The following TENM2 variants were observed in gnomAD, a reference collection of about 807,000 sequenced individuals.
TENM2 encodes teneurin-2.
Under a neutral mutation model 245.2 loss-of-function variants are expected in TENM2, and 52 were observed. That is an observed-to-expected ratio of 0.21 (90% CI 0.17 to 0.27). TENM2 has a LOEUF of 0.27. TENM2 is among the 10% of genes least tolerant of loss of function. The probability of loss-of-function intolerance (pLI) is 1.00; values close to 1 mark genes in which losing one functional copy is unlikely to be tolerated. For missense variants in TENM2, 3,046 were observed against 3,666.8 expected, an observed-to-expected ratio of 0.83 and a Z score of 4.37; for synonymous variants, 1,363 against 1,438.9, an observed-to-expected ratio of 0.95 and a Z score of 1.19.
Position 167,851,164 on chromosome 5 carries a change from G to T in TENM2, c.503-24822G>T, listed in dbSNP as rs532319991. Among the ~76,000 whole-genome samples, 5 of 152,118 alleles carry T rather than the reference G, an allele frequency of 3.3e-5. No homozygotes were observed. The South Asian group carries it at 1.0e-3, about 32-fold the overall frequency. Reference sequence around the variant, plus strand: ...ATTGGAGTAAGTGGAAGCTTAACTGGGGGGTTGTTGATGTGTGTTATCATC... The same window carrying T: ...ATTGGAGTAAGTGGAAGCTTAACTGTGGGGTTGTTGATGTGTGTTATCATC... On this transcript the variant is annotated intron_variant, in intron 2 of 28. Coordinates refer to ENST00000518659, the Ensembl canonical transcript of TENM2.
chr5:168,062,386 T>A, intron 7 of TENM2, 121 bp downstream of exon 9: 1 of 816,538 alleles, frequency 1.2e-6, no homozygotes, highest in South Asian at 1.8e-5. Context: ...ACAATAAAAA[T>A]GTTGGCGAGA....
intron 1 of TENM2, among the ~76,000 whole-genome samples, chr5:167,305,428 C>T (rs1326956155): frequency 6.6e-6 from 1 of 152,192 alleles, no homozygotes; most frequent in Non-Finnish European, 1.5e-5. Flanking sequence ...GTAATAATAA[C>T]ACATGCTATA....
the TENM2 span, among the ~76,000 whole-genome samples, chr5:167,162,927 G>A: frequency 0.017 from 2,550 of 152,290 alleles, 59 homozygotes; most frequent in African/African-American, 0.057. Flanking sequence ...CTGACTCAGT[G>A]TGCCTCTCAA....
chr5:167,153,295 T>C, the TENM2 span, among the ~76,000 whole-genome samples: 1 of 152,132 alleles, frequency 6.6e-6, no homozygotes, highest in African/African-American at 2.4e-5. Context: ...TTTCATGTTA[T>C]ATATATTATA....
At chr5:167,435,250 T>C (rs1239154250) in intron 2 of TENM2, among the ~76,000 whole-genome samples, 1 of 152,216 alleles carries the variant, frequency 6.6e-6, no homozygotes, top group Non-Finnish European at 1.5e-5. Context: ...CCCACCCAAG[T>C]CTCATCTTGA....
intron 2 of TENM2, among the ~76,000 whole-genome samples, chr5:167,381,782 G>A (rs1393533852): frequency 6.6e-6 from 1 of 152,086 alleles, no homozygotes; most frequent in Non-Finnish European, 1.5e-5. Flanking sequence ...TAGAAAGCTA[G>A]AACTCAGCAA....
intron 2 of TENM2, among the ~76,000 whole-genome samples, chr5:167,542,637 T>C (rs528614838): frequency 7.2e-5 from 11 of 152,322 alleles, no homozygotes; most frequent in Non-Finnish European, 1.3e-4. Flanking sequence ...TTGTCATTAC[T>C]GGTTCCTTCA....
intron 2 of TENM2, among the ~76,000 whole-genome samples, chr5:167,544,084 A>G (rs994397105): frequency 6.6e-6 from 1 of 152,184 alleles, no homozygotes; most frequent in Admixed American, 6.5e-5. Flanking sequence ...TTTGAGTCAT[A>G]TGGCTGACTG....
intron 2 of TENM2, among the ~76,000 whole-genome samples, chr5:167,771,831 T>C (rs1763423818): frequency 6.6e-6 from 1 of 152,216 alleles, no homozygotes; most frequent in Non-Finnish European, 1.5e-5. Context: ...CAAAAACTCA[T>C]CTTAAAGCTG....
chr5:168,193,549 A>T (rs1158880768), intron 14 of TENM2, among the ~76,000 whole-genome samples: 4 of 152,236 alleles, frequency 2.6e-5, no homozygotes, highest in Non-Finnish European at 5.9e-5. Context: ...AAGAATTTGA[A>T]AAATAGAGGA....
chr5:167,576,891 A>G (rs1007576398), intron 2 of TENM2, among the ~76,000 whole-genome samples: 19 of 152,356 alleles, frequency 1.2e-4, no homozygotes, highest in African/African-American at 4.6e-4. Context: ...AAGTTCTTTC[A>G]TTATATGATT....
intron 2 of TENM2, among the ~76,000 whole-genome samples, chr5:167,557,150 A>C (rs1321827721): frequency 6.6e-6 from 1 of 152,270 alleles, no homozygotes; most frequent in Non-Finnish European, 1.5e-5. Flanking sequence ...TTAATTATGG[A>C]TGATCCATAT....
chr5:168,041,977 G>A (rs967183274), intron 5 of TENM2, among the ~76,000 whole-genome samples: 1 of 152,176 alleles, frequency 6.6e-6, no homozygotes, highest in African/African-American at 2.4e-5. Context: ...TGTTAGCCCT[G>A]ATTATTCCAC....
At chr5:167,706,881 G>A in intron 2 of TENM2, among the ~76,000 whole-genome samples, 1 of 151,930 alleles carries the variant, frequency 6.6e-6, no homozygotes, top group Non-Finnish European at 1.5e-5. Context: ...CGGGCATGGT[G>A]GCAGGCGCCT....
intron 2 of TENM2, among the ~76,000 whole-genome samples, chr5:167,559,337 C>A (rs965724760): frequency 6.6e-5 from 10 of 152,122 alleles, no homozygotes; most frequent in Non-Finnish European, 1.5e-4. Context: ...AAAATTCATC[C>A]CCTTCATTCT....
At position 167,847,605 on chromosome 5, in the gene TENM2, C is replaced by A. The variant is rs188363069; in HGVS notation, c.503-28381C>A. 1.1e-4 allele frequency among the ~76,000 whole-genome samples: 16 copies of A among 152,316 alleles called. No homozygotes were observed. In the South Asian group the frequency reaches 1.2e-3, roughly 12 times the overall value. On this transcript the variant is annotated intron_variant, in intron 2 of 28. Transcript: ENST00000518659. The stretch of plus-strand genomic sequence containing the variant: ...CCTGAGAATCCTAGATTCCTTCATA[C>A]CTTCACCTCACTGAAAGTTAGCGCA...
the TENM2 span, among the ~76,000 whole-genome samples, chr5:167,177,120 A>G: frequency 6.6e-6 from 1 of 152,212 alleles, no homozygotes; most frequent in Non-Finnish European, 1.5e-5. Context: ...GAAAGTTGAG[A>G]CAAAGGGGAA....
chr5:167,505,252 G>T (rs1170993756), intron 2 of TENM2, among the ~76,000 whole-genome samples: 1 of 152,156 alleles, frequency 6.6e-6, no homozygotes, highest in Non-Finnish European at 1.5e-5. Context: ...ATGTGGAAAA[G>T]ACTGATGAAT....
intron 2 of TENM2, among the ~76,000 whole-genome samples, chr5:167,578,539 G>A (rs899817874): frequency 1.3e-5 from 2 of 152,210 alleles, no homozygotes; most frequent in African/African-American, 4.8e-5. Flanking sequence ...TTCACCATTC[G>A]TTGGAGATCA....
Sources: allele counts gnomAD v4.1 joint callset (sites outside exome capture counted in the v4.1 genomes callset), GRCh38; gene constraint gnomAD v4.1.1; transcripts MANE v1.5; gene names NCBI Gene and HGNC (gene_info 2026-07-23, HGNC 2026-07-21).